The following LOXHD1 variants were observed in gnomAD, a reference collection of about 807,000 sequenced individuals.
LOXHD1 encodes the protein lipoxygenase homology domain-containing protein 1.
A neutral mutation model predicts 248.2 loss-of-function variants in LOXHD1; 205 were observed. The ratio of observed to expected loss-of-function variants is 0.83; its 90% CI spans 0.74 to 0.93. The LOEUF (loss-of-function observed/expected upper bound fraction) is 0.93, where lower values mean the gene tolerates loss of function less well. Ranked by LOEUF, LOXHD1 falls within the 40% of genes least tolerant of loss-of-function variation. LOXHD1 has a pLI of 0.00. For synonymous variants in LOXHD1, 1,113 were observed against 1,162.8 expected, an observed-to-expected ratio of 0.96 and a Z score of 0.87; for missense variants, 2,930 against 2,971.6, an observed-to-expected ratio of 0.99 and a Z score of 0.33.
At chr18:46,545,296 G>A (rs1488009971) in intron 23 of LOXHD1, 21 bp downstream of exon 23, 2 of 1,510,090 alleles carry the variant, frequency 1.3e-6, no homozygotes, top group Non-Finnish European at 1.8e-6. Context: ...GGTGAATCTT[G>A]GCCCTGCACT....
At chr18:46,545,945 AT>A (rs34120646) in intron 22 of LOXHD1, among the ~76,000 whole-genome samples, 146,517 of 150,612 alleles carry the variant, frequency 0.97, 71,393 homozygotes, top group Middle Eastern at 1. Flanking sequence ...TCTAAGAATC[AT>A]TTTTTTTTTC....
At chr18:46,640,133 T>C (rs1398320745) in intron 3 of LOXHD1, among the ~76,000 whole-genome samples, 1 of 152,184 alleles carries the variant, frequency 6.6e-6, no homozygotes, top group Admixed American at 6.5e-5. Flanking sequence ...TTCCTTACCC[T>C]GGCCTTTGAA....
chr18:46,644,782 T>C (rs1247296455), intron 2 of LOXHD1, among the ~76,000 whole-genome samples: 1 of 151,726 alleles, frequency 6.6e-6, no homozygotes. Flanking sequence ...AGGCTGAACG[T>C]GAATACATAC....
chr18:46,647,277 C>T (rs1047185134), intron 2 of LOXHD1, among the ~76,000 whole-genome samples: 14 of 152,144 alleles, frequency 9.2e-5, no homozygotes, highest in Admixed American at 9.2e-4. Context: ...AAGGCTGGAA[C>T]CCGAACTCCT....
chr18:46,487,011 G>A (rs2033105902), intron 38 of LOXHD1, among the ~76,000 whole-genome samples: 1 of 152,192 alleles, frequency 6.6e-6, no homozygotes, highest in Non-Finnish European at 1.5e-5. Context: ...AGGTTGCTGG[G>A]AAGGAACAGA....
At chr18:46,574,751 T>C (rs1162128385) in intron 14 of LOXHD1, among the ~76,000 whole-genome samples, 2 of 152,138 alleles carry the variant, frequency 1.3e-5, no homozygotes, top group Admixed American at 1.3e-4. Flanking sequence ...ATGGGCTCCT[T>C]TCAAAGTACA....
intron 14 of LOXHD1, among the ~76,000 whole-genome samples, chr18:46,576,581 C>T (rs2037859849): frequency 6.6e-6 from 1 of 152,368 alleles, no homozygotes; most frequent in South Asian, 2.1e-4. Flanking sequence ...TGGAAGCCTG[C>T]CTGGCCTGCC....
At chr18:46,608,210 C>T (rs756485531) in intron 6 of LOXHD1, among the ~76,000 whole-genome samples, 3 of 152,080 alleles carry the variant, frequency 2.0e-5, no homozygotes, top group East Asian at 1.9e-4. Context: ...CGGAAAGAAA[C>T]GAAAAGTCTA....
intron 21 of LOXHD1, among the ~76,000 whole-genome samples, chr18:46,552,980 G>C (rs1458688152): frequency 1.3e-5 from 2 of 152,114 alleles, no homozygotes; most frequent in African/African-American, 2.4e-5. Flanking sequence ...CAAGGCTGCT[G>C]CTCATGAAGG....
chr18:46,607,274 G>T (rs1381568985), intron 6 of LOXHD1, among the ~76,000 whole-genome samples: 1 of 150,526 alleles, frequency 6.6e-6, no homozygotes, highest in African/African-American at 2.4e-5. Flanking sequence ...GTAAAATATT[G>T]TATTCATTAT....
chr18:46,564,825 C>A (rs1445038219), intron 17 of LOXHD1, among the ~76,000 whole-genome samples: 1 of 152,166 alleles, frequency 6.6e-6, no homozygotes, highest in Non-Finnish European at 1.5e-5. Flanking sequence ...AAGGAACTTG[C>A]AGGTTGCTTC....
chr18:46,650,108 C>G (rs1055027080), intron 1 of LOXHD1, among the ~76,000 whole-genome samples: 1 of 152,124 alleles, frequency 6.6e-6, no homozygotes, highest in East Asian at 1.9e-4. Flanking sequence ...GCCACATCCC[C>G]TCCGCCAAGA....
At chr18:46,558,797 G>T (rs1359564223) in intron 20 of LOXHD1, among the ~76,000 whole-genome samples, 1 of 152,138 alleles carries the variant, frequency 6.6e-6, no homozygotes, top group Non-Finnish European at 1.5e-5. Flanking sequence ...GAAGAGTAAG[G>T]TATGTGTATT....
chr18:46,590,296 G>A (rs115422099), intron 12 of LOXHD1, among the ~76,000 whole-genome samples: 3,067 of 152,192 alleles, frequency 0.02, 107 homozygotes, highest in African/African-American at 0.07. Flanking sequence ...TTTGAGAATC[G>A]CTGACTTAGC....
chr18:46,569,097 A>AGC (rs1555681308), intron 16 of LOXHD1, among the ~76,000 whole-genome samples: 3 of 151,802 alleles, frequency 2.0e-5, no homozygotes, highest in Non-Finnish European at 4.4e-5. Flanking sequence ...CCCTGCGTTC[A>AGC]GTCTCCTTCT....
At chr18:46,619,375 C>G (rs188202418) in intron 4 of LOXHD1, among the ~76,000 whole-genome samples, 2 of 152,286 alleles carry the variant, frequency 1.3e-5, no homozygotes, top group African/African-American at 4.8e-5. Context: ...CTTCTGTATT[C>G]CTCAGCTCCG....
chr18:46,586,455 T>G (rs2038062654), intron 12 of LOXHD1, among the ~76,000 whole-genome samples: 3 of 152,212 alleles, frequency 2.0e-5, no homozygotes, highest in African/African-American at 7.2e-5. Flanking sequence ...TTTTGTTTGT[T>G]TGTTTCTGAG....
intron 5 of LOXHD1, among the ~76,000 whole-genome samples, chr18:46,617,542 T>C (rs894951534): frequency 2.0e-5 from 3 of 151,800 alleles, no homozygotes; most frequent in African/African-American, 7.2e-5. Context: ...GATTTCTCTT[T>C]TTTTTTTTTT....
intron 13 of LOXHD1, among the ~76,000 whole-genome samples, chr18:46,578,475 A>G (rs2037901354): frequency 6.6e-6 from 1 of 152,184 alleles, no homozygotes; most frequent in African/African-American, 2.4e-5. Context: ...TTAAAAAGCT[A>G]TGTGAAGTAA....
Sources: allele counts gnomAD v4.1 joint callset (sites outside exome capture counted in the v4.1 genomes callset), GRCh38; gene constraint gnomAD v4.1.1; transcripts MANE v1.5; gene names NCBI Gene and HGNC (gene_info 2026-07-23, HGNC 2026-07-21).